The following SNAP29 variants were observed in gnomAD, a reference collection of about 807,000 sequenced individuals.
The protein encoded by SNAP29 is synaptosome associated protein 29.
SNAP29 carries 13 observed loss-of-function variants against 27.9 expected under a neutral mutation model. The ratio of observed to expected loss-of-function variants is 0.47; its 90% confidence interval spans 0.30 to 0.74. SNAP29 has a LOEUF of 0.74. Among genes scored for constraint, SNAP29 ranks in the 30% least tolerant of loss-of-function variants. The pLI is 0.06. For synonymous variants in SNAP29, 119 were observed against 127.1 expected, an observed-to-expected ratio of 0.94 and a Z score of 0.43; for missense variants, 368 against 336.5, an observed-to-expected ratio of 1.09 and a Z score of -0.73.
intron 1 of SNAP29, among the ~76,000 whole-genome samples, chr22:20,864,983 A>T (rs1928423147): frequency 6.6e-6 from 1 of 152,218 alleles, no homozygotes. Context: ...GAGAAATGGC[A>T]TTGGACCACA....
In SNAP29 at chr22:20,884,015, C is replaced by T. The variant is rs116970540; in HGVS notation, c.619+446C>T. 2.9e-4 allele frequency among the ~76,000 whole-genome samples: 44 copies of T among 152,220 alleles called. No individual in the cohort carries two copies. The East Asian group carries it at 8.5e-3, about 29-fold the overall frequency. On this transcript the variant is annotated intron_variant, in intron 4 of 4. Transcript: ENST00000215730. ...AATTGGCACTTTGGCCACACAGCCT[C>T]CAGCATGATGTTTCAAAACGGAAGG...
At chr22:20,870,736 T>C in intron 2 of SNAP29, 1 of 633,488 alleles carries the variant, frequency 1.6e-6, no homozygotes, top group Non-Finnish European at 2.8e-6. Context: ...ACATCTAGTC[T>C]GTCAATAGCT....
At chr22:20,873,802 T>C (rs1026383481) in intron 2 of SNAP29, among the ~76,000 whole-genome samples, 58 of 145,928 alleles carry the variant, frequency 4.0e-4, no homozygotes, top group Non-Finnish European at 5.7e-4. Flanking sequence ...ACCCAGTGTC[T>C]CCTAAAAATA....
intron 1 of SNAP29, among the ~76,000 whole-genome samples, chr22:20,864,814 A>G (rs530981507): frequency 4.6e-5 from 7 of 152,180 alleles, no homozygotes; most frequent in Admixed American, 3.9e-4. Flanking sequence ...AAGGAAAGGA[A>G]GGAGGGAGGG....
In SNAP29 at chr22:20,888,351, ACACACT is replaced by A. The variant is rs376990505; in HGVS notation, c.*517_*522del. 0.12 allele frequency: 10,512 copies of A among 88,510 alleles called. 422 individuals are homozygous for A. The highest frequency in any genetic ancestry group is 0.18 in the Admixed American group (1,237 of 6,836). The allele number at this position is 88,510 out of a possible 1,614,324, so 5.5% of individuals were successfully genotyped here. ...CACACACACACACACACACACACAC[ACACACT>A]CTCTGAGCACATTATCTGTGATTCT... On this transcript the variant is annotated 3_prime_UTR_variant, in exon 5 of 5. Coordinates refer to ENST00000215730, the MANE Select transcript of SNAP29 (RefSeq NM_004782.4).
chr22:20,862,366 CAA>C (rs368278520), intron 1 of SNAP29, among the ~76,000 whole-genome samples: 6 of 152,124 alleles, frequency 3.9e-5, no homozygotes, highest in African/African-American at 1.4e-4. Flanking sequence ...GAGGTTTACA[CAA>C]GAGGAGTGAG....
intron 1 of SNAP29, among the ~76,000 whole-genome samples, chr22:20,866,439 C>T (rs1229866372): frequency 6.6e-5 from 10 of 152,202 alleles, no homozygotes; most frequent in East Asian, 1.9e-4. Flanking sequence ...GATTGGCCTC[C>T]GTCTACTTAT....
intron 1 of SNAP29, among the ~76,000 whole-genome samples, chr22:20,865,961 GATAACGTGTAGCCCAAGGCCACCATCAT>G (rs1928448592): frequency 6.6e-6 from 1 of 152,234 alleles, no homozygotes; most frequent in South Asian, 2.1e-4. Flanking sequence ...AGGTCAAGCT[GATAACGTGTAGCCCAAGGCCACCATCAT>G]ATATCACATT....
At chr22:20,872,919 T>C (rs1569117541) in intron 2 of SNAP29, among the ~76,000 whole-genome samples, 1 of 144,818 alleles carries the variant, frequency 6.9e-6, no homozygotes, top group Non-Finnish European at 1.5e-5. Flanking sequence ...AACCTCTGTC[T>C]CCCAGGTTCA....
intron 1 of SNAP29, among the ~76,000 whole-genome samples, chr22:20,863,653 A>T (rs1359288624): frequency 1.3e-5 from 2 of 152,150 alleles, no homozygotes; most frequent in Non-Finnish European, 2.9e-5. Flanking sequence ...CCTGTTTAGT[A>T]AGCATGATTT....
At chr22:20,862,673 C>A (rs923426273) in intron 1 of SNAP29, among the ~76,000 whole-genome samples, 1 of 152,204 alleles carries the variant, frequency 6.6e-6, no homozygotes, top group African/African-American at 2.4e-5. Flanking sequence ...AGTGGCACTT[C>A]AGGCATATCA....
chr22:20,875,319 A>C lies in SNAP29; in HGVS notation c.434+4786A>C, dbSNP rs1928712811. Among the ~76,000 whole-genome samples, 4 of 152,132 alleles carry C rather than the reference A, an allele frequency of 2.6e-5. No homozygotes were observed. In the South Asian group the frequency reaches 8.3e-4, roughly 32 times the overall value. On this transcript the variant is annotated intron_variant, in intron 2 of 4. Transcript: ENST00000215730. The stretch of plus-strand genomic sequence containing the variant: ...CATGTACCCTGCCTGGCCTGCCCCT[A>C]GATTAGCCCCAATCAGTTGTAGCAT...
intron 1 of SNAP29, among the ~76,000 whole-genome samples, chr22:20,866,607 C>G (rs1237455914): frequency 6.6e-6 from 1 of 152,128 alleles, no homozygotes; most frequent in Non-Finnish European, 1.5e-5. Flanking sequence ...ATCTGTTGGT[C>G]ACTGCTGCCC....
intron 1 of SNAP29, among the ~76,000 whole-genome samples, chr22:20,863,848 A>G (rs1188441504): frequency 6.6e-6 from 1 of 152,068 alleles, no homozygotes. Flanking sequence ...CGTGGATAAA[A>G]ATGGGTTTTT....
chr22:20,885,344 T>C (rs755012125), intron 4 of SNAP29, among the ~76,000 whole-genome samples: 2 of 152,044 alleles, frequency 1.3e-5, no homozygotes, highest in Admixed American at 6.5e-5. Flanking sequence ...CTGAAACCCA[T>C]GAAGATGCAC....
At chr22:20,877,521 A>G (rs1928776878) in intron 2 of SNAP29, among the ~76,000 whole-genome samples, 1 of 151,896 alleles carries the variant, frequency 6.6e-6, no homozygotes. Flanking sequence ...GCACCATTGT[A>G]CCCCAGCCTG....
chr22:20,859,027 G>C lies in SNAP29; in HGVS notation c.-84G>C, dbSNP rs562974306. The C allele has an allele frequency of 7.2e-7, 1 of 1,393,712 alleles. No individual in the cohort carries two copies. Among genetic ancestry groups the C allele is most frequent in the East Asian group, 2.5e-5 (1 of 39,892 alleles). The allele number at this position is 1,393,712 out of a possible 1,614,324, so 86.3% of individuals were successfully genotyped here. ...AAGGAGTTCGCGCGACGACCGCGGGGTCGGCGGGCGGGGCGAGGCCCTGGA... is the reference window on the plus strand; with the variant it reads ...AAGGAGTTCGCGCGACGACCGCGGGCTCGGCGGGCGGGGCGAGGCCCTGGA... On this transcript the variant is annotated 5_prime_UTR_variant, in exon 1 of 5. Coordinates refer to ENST00000215730, the MANE Select transcript of SNAP29 (RefSeq NM_004782.4).
At chr22:20,867,257 C>G (rs534382424) in intron 1 of SNAP29, among the ~76,000 whole-genome samples, 54 of 152,252 alleles carry the variant, frequency 3.5e-4, no homozygotes, top group Non-Finnish European at 2.9e-4. Flanking sequence ...GAGCTCACTC[C>G]CCTAGCAGCC....
rs201071410 is a variant in SNAP29 at position 20,870,355 on chromosome 22, G to C, written c.256G>C (p.Gly86Arg). 3.1e-6 allele frequency: 5 copies of C among 1,614,032 alleles called. No homozygotes were observed. Among genetic ancestry groups the C allele is most frequent in the Non-Finnish European group, 4.2e-6 (5 of 1,180,030 alleles). ...TCCCCAGGAGCTCGCCCGTCAGCGA[G>C]GAGTCCTGGAGCGCACAGAGAAGAT... ...ASSEELARQR[G>R]VLERTEKMVD... The change falls in exon 2 of 5, where the codon GGA becomes CGA. Residue 86 changes from glycine to arginine, a missense_variant. By Grantham distance (125) the Gly-to-Arg change is moderately radical (BLOSUM62 -2). Coordinates refer to ENST00000215730, the MANE Select transcript of SNAP29 (RefSeq NM_004782.4).
Sources: gnomAD v4.1 joint callset for allele counts (sites outside exome capture counted in the v4.1 genomes callset) on GRCh38, gnomAD v4.1.1 for gene constraint, MANE v1.5 for transcripts, NCBI Gene and HGNC (gene_info 2026-07-23, HGNC 2026-07-21) for gene names.